Variants in CNPPD1 observed in about 807,000 individuals in gnomAD.
CNPPD1 encodes cyclin Pas1/PHO80 domain containing 1.
Under a neutral mutation model 43.7 loss-of-function variants are expected in CNPPD1, and 40 were observed. The ratio of observed to expected loss-of-function variants is 0.92; its 90% CI spans 0.71 to 1.19. The LOEUF is 1.19. CNPPD1 is among the 50% of genes most tolerant of loss of function. The pLI is 0.00. For synonymous variants in CNPPD1, 208 were observed against 214.3 expected (o/e 0.97, Z 0.26); for missense variants, 511 against 518.5 (o/e 0.99, Z 0.14).
chr2:219,172,516 G>T lies in CNPPD1; in HGVS notation c.*70C>A. On this transcript the variant is annotated 3_prime_UTR_variant, in exon 8 of 8. Coordinates refer to ENST00000360507, the MANE Select transcript of CNPPD1 (RefSeq NM_015680.6). ...GGACCCAGCGAGGCAGACAGGATCT[G>T]AATCAAGCTTTGCTCCTCCAGGTTC... The T allele has an allele frequency of 6.5e-7, 1 of 1,534,558 alleles. No individual in the cohort carries two copies. The highest frequency in any genetic ancestry group is 9.0e-7 in the Non-Finnish European group (1 of 1,110,344).
chr2:219,173,197 G>A, intron 7 of CNPPD1, 69 bp from the exon 8 acceptor site: 1 of 1,493,684 alleles, frequency 6.7e-7, no homozygotes, highest in Non-Finnish European at 9.0e-7. Flanking sequence ...CTAGAAATCT[G>A]TGTTCCAGTT....
At chr2:219,175,718 A>G in intron 2 of CNPPD1, 46 bp from the exon 3 acceptor site, 1 of 1,509,590 alleles carries the variant, frequency 6.6e-7, no homozygotes, top group East Asian at 2.3e-5. Context: ...AAGCACCCAC[A>G]CCCAACACAC....
At position 219,176,895 on chromosome 2, in the gene CNPPD1, T is replaced by C; in HGVS notation, c.-67A>G. 3.7e-6 allele frequency: 5 copies of C among 1,360,366 alleles called. No individual in the cohort carries two copies. The South Asian group carries it at 5.2e-5, about 14-fold the overall frequency. The allele number at this position is 1,360,366 out of a possible 1,614,324, so 84.3% of individuals were successfully genotyped here. ...ACGAGTTGTAGGGGGCTCGCGGAGCTGTCCTTGCCCGCCTGTCCACCTGCC... is the reference window on the plus strand; with the variant it reads ...ACGAGTTGTAGGGGGCTCGCGGAGCCGTCCTTGCCCGCCTGTCCACCTGCC... On this transcript the variant is annotated 5_prime_UTR_variant, in exon 1 of 8. Coordinates refer to ENST00000360507, the MANE Select transcript of CNPPD1 (RefSeq NM_015680.6).
chr2:219,176,804 C>T lies in CNPPD1; in HGVS notation c.25G>A (p.Asp9Asn), dbSNP rs1271153092. Residue 9 changes from aspartate (D) to asparagine (N), a missense_variant, in exon 1 of 8, where the codon GAC becomes AAC. Coordinates refer to ENST00000360507, the MANE Select transcript of CNPPD1 (RefSeq NM_015680.6). The stretch of plus-strand genomic sequence containing the variant: ...GCGAGGGAGAAGGTGCCTTCTTCGT[C>T]CAGCAGGAGCCCGGTCAGGTCCATC... MDLTGLLLDEEGTFSLAGF... is the reference protein window; with the variant it reads MDLTGLLLNEEGTFSLAGF... 1.9e-6 allele frequency: 3 copies of T among 1,582,848 alleles called. No homozygotes were observed. The highest frequency in any genetic ancestry group is 2.6e-6 in the Non-Finnish European group (3 of 1,165,212).
At chr2:219,174,717 G>A in intron 5 of CNPPD1, 61 bp downstream of exon 5, 1 of 1,523,672 alleles carries the variant, frequency 6.6e-7, no homozygotes, top group Non-Finnish European at 8.8e-7. Context: ...GAGAACAAAG[G>A]ACTAAAGGAC....
Position 219,176,262 on chromosome 2 carries a change from C to A in CNPPD1, c.139G>T (p.Ala47Ser). The A allele has an allele frequency of 6.2e-7, 1 of 1,614,200 alleles. No individual in the cohort carries two copies. The highest frequency in any genetic ancestry group is 8.5e-7 in the Non-Finnish European group (1 of 1,180,016). The change falls in exon 2 of 8, where the codon GCC becomes TCC. Residue 47 changes from alanine (A) to serine (S), a missense_variant. Coordinates refer to ENST00000360507, the MANE Select transcript of CNPPD1 (RefSeq NM_015680.6). The stretch of plus-strand genomic sequence containing the variant: ...GAGAGCTCCTCCAGGCTACAGTCGG[C>A]TTCCCAGTCCCAGCCATAGTAGAGC... ...RRLYYGWDWE[A>S]DCSLEELSSP...
At chr2:219,174,629 G>C (rs1354050163) in intron 5 of CNPPD1, 149 bp downstream of exon 5, 2 of 1,136,548 alleles carry the variant, frequency 1.8e-6, no homozygotes, top group African/African-American at 3.1e-5. Context: ...TAGTACTGAA[G>C]AGATAGGAAA....
At chr2:219,174,476 G>C (rs931213328) in intron 5 of CNPPD1, among the ~76,000 whole-genome samples, 10 of 152,204 alleles carry the variant, frequency 6.6e-5, no homozygotes, top group African/African-American at 2.4e-4. Context: ...TCTAGGGGCA[G>C]AGAAAGTATG....
At chr2:219,174,294 C>A (rs1950123474) in intron 5 of CNPPD1, 87 bp from the exon 6 acceptor site, 1 of 1,315,200 alleles carries the variant, frequency 7.6e-7, no homozygotes, top group Admixed American at 1.7e-5. Flanking sequence ...ACTACAACCG[C>A]CCCTATGGCT....
chr2:219,172,730 C>G lies in CNPPD1; in HGVS notation c.1089G>C (p.Leu363=). ...LHPNRTVPTA[L]SSPWYHTYGL... is the part of the protein sequence containing the mutation. ...CATAGGTATGGTACCAGGGGCTGGA[C>G]AGCGCAGTGGGGACTGTACGGTTGG... The change falls in exon 8 of 8, where the codon CTG becomes CTC. Residue 363 remains leucine, a synonymous_variant. Coordinates refer to ENST00000360507, the MANE Select transcript of CNPPD1 (RefSeq NM_015680.6). 1 of 1,613,352 alleles carries G rather than the reference C, an allele frequency of 6.2e-7. No homozygotes were observed. The highest frequency in any genetic ancestry group is 1.1e-5 in the South Asian group (1 of 91,000).
At chr2:219,176,975 C>A (rs988685128), upstream of CNPPD1, 3 of 628,492 alleles carry the variant, frequency 4.8e-6, no homozygotes, top group South Asian at 6.5e-5. Context: ...GCAGCTCCCT[C>A]CCCCCGGCGG....
chr2:219,172,323 T>C lies in CNPPD1; in HGVS notation c.*263A>G. The C allele has an allele frequency of 1.9e-6, 1 of 538,906 alleles. No homozygotes were observed. Among genetic ancestry groups the C allele is most frequent in the South Asian group, 2.2e-5 (1 of 44,986 alleles). 33.4% of individuals were successfully genotyped at this position (538,906 alleles called of 1,614,324 possible). A position where few individuals can be genotyped will look rare whatever the true frequency, so the allele number is the denominator to read the frequency against. On this transcript the variant is annotated 3_prime_UTR_variant, in exon 8 of 8. Transcript: ENST00000360507. ...AATCCCAGGGAGGCAGAGAGGGGCT[T>C]CTATGTCCATCTGGGACATGTCCCT...
Position 219,176,773 on chromosome 2 carries a change from A to C in CNPPD1, c.56T>G (p.Phe19Cys). The change falls in exon 1 of 8, where the codon TTC becomes TGC. Residue 19 changes from phenylalanine to cysteine, a missense_variant. By Grantham distance (205) the Phe-to-Cys change is radical. Coordinates refer to ENST00000360507, the MANE Select transcript of CNPPD1 (RefSeq NM_015680.6). ...ACCCCCACTCACCGTGAAGTCCTGGAAGCCGGCGAGGGAGAAGGTGCCTTC... is the reference window on the plus strand; with the variant it reads ...ACCCCCACTCACCGTGAAGTCCTGGCAGCCGGCGAGGGAGAAGGTGCCTTC... ...DEEGTFSLAG[F>C]QDFTFLPGHQ... 1 of 1,581,308 alleles carries C rather than the reference A, an allele frequency of 6.3e-7. No individual in the cohort carries two copies.
At chr2:219,175,148 C>G in intron 3 of CNPPD1, 40 bp from the exon 4 acceptor site, 2 of 1,534,902 alleles carry the variant, frequency 1.3e-6, no homozygotes, top group Non-Finnish European at 1.7e-6. Flanking sequence ...CCCAAGGGTC[C>G]TTCAGCTCTT....
rs56067787 is a variant in CNPPD1 at position 219,173,387 on chromosome 2, T to C, written c.653A>G (p.Gln218Arg). 6.2e-7 allele frequency: 1 copy of C among 1,613,636 alleles called. No homozygotes were observed. Among genetic ancestry groups the C allele is most frequent in the Non-Finnish European group, 8.5e-7 (1 of 1,179,932 alleles). Residue 218 changes from glutamine to arginine, a missense_variant, in exon 7 of 8, where the codon CAG (glutamine) becomes CGG (arginine). Gln to Arg is a conservative substitution (Grantham distance 43, BLOSUM62 1). Transcript: ENST00000360507. ...CTGGCAGAGGGAGCCCAGGGCCAAC[T>C]GCCAGGTCGGCTGCTCCAGCAGCAC... ...LCVLLEQPTW[Q>R]LALGSLCQRL...
In CNPPD1 at chr2:219,172,551, C is replaced by A. The variant is rs1362469265; in HGVS notation, c.*35G>T. ...TTGCTCCTCCAGGTTCTCAGAAACT[C>A]CCAAACCCTCTTAATGCATTCCTCA... On this transcript the variant is annotated 3_prime_UTR_variant, in exon 8 of 8. Coordinates refer to ENST00000360507, the MANE Select transcript of CNPPD1 (RefSeq NM_015680.6). 9 of 1,610,692 alleles carry A rather than the reference C, an allele frequency of 5.6e-6. No individual in the cohort carries two copies. Among genetic ancestry groups the A allele is most frequent in the Non-Finnish European group, 7.6e-6 (9 of 1,177,146 alleles).
chr2:219,176,674 G>T, intron 1 of CNPPD1, 86 bp downstream of exon 1: 1 of 1,074,088 alleles, frequency 9.3e-7, no homozygotes, highest in Non-Finnish European at 1.4e-6. Context: ...CCCAGTCCCG[G>T]CACAGCAGTC....
chr2:219,175,750 G>A (rs1950149366), intron 2 of CNPPD1, 78 bp from the exon 3 acceptor site: 2 of 1,222,030 alleles, frequency 1.6e-6, no homozygotes, highest in Non-Finnish European at 2.4e-6. Context: ...GCTAGCAGAA[G>A]ACCCAGATCT....
rs773216627 is a variant in CNPPD1, at chr2:219,172,845, T to C, written c.974A>G (p.Asp325Gly). 4 of 1,580,892 alleles carry C rather than the reference T, an allele frequency of 2.5e-6. No individual in the cohort carries two copies. The highest frequency in any genetic ancestry group is 3.4e-6 in the Non-Finnish European group (4 of 1,162,578). ...AAGAAGAGTGGGAGGGGCAGGGGGG[T>C]CTGGGGGAGGCAATGGTGGAGGAGT... ...SLTPPPLPPP[D>G]PPAPPTLLHN... The change falls in exon 8 of 8, where the codon GAC becomes GGC. Residue 325 changes from aspartate (D) to glycine (G), a missense_variant. Coordinates refer to ENST00000360507, the MANE Select transcript of CNPPD1 (RefSeq NM_015680.6).
Sources: gnomAD v4.1 joint callset for allele counts (sites outside exome capture counted in the v4.1 genomes callset) on GRCh38, gnomAD v4.1.1 for gene constraint, MANE v1.5 for transcripts, NCBI Gene and HGNC (gene_info 2026-07-23, HGNC 2026-07-21) for gene names.